PCDHGA5: variants seen among roughly 807,000 people sequenced by gnomAD.
PCDHGA5 encodes the protein protocadherin gamma-A5.
PCDHGA5 carries 36 observed loss-of-function variants against 56.7 expected under a neutral mutation model. That is an observed-to-expected ratio of 0.64 (90% confidence interval 0.49 to 0.84). The LOEUF (loss-of-function observed/expected upper bound fraction) is 0.84. PCDHGA5 is among the 40% of genes least tolerant of loss of function. The probability of loss-of-function intolerance (pLI) is 0.00; values close to 1 mark genes in which losing one functional copy is unlikely to be tolerated. For synonymous variants in PCDHGA5, 563 were observed against 520.2 expected (o/e 1.08, Z -1.12); for missense variants, 1,305 against 1,201.5 (o/e 1.09, Z -1.27).
At chr5:141,424,080 C>T (rs2096798143) in intron 1 of PCDHGA5, 1 of 970,378 alleles carries the variant, frequency 1.0e-6, no homozygotes, top group Admixed American at 6.0e-5. Context: ...AGTTATATTC[C>T]ACCATTATTT....
At chr5:141,400,268 C>T (rs976476082) in intron 1 of PCDHGA5, 3 of 1,613,962 alleles carry the variant, frequency 1.9e-6, no homozygotes, top group East Asian at 4.5e-5. Flanking sequence ...CTGCGACGCT[C>T]CTCCAGCCCT....
intron 1 of PCDHGA5, among the ~76,000 whole-genome samples, chr5:141,381,542 G>T (rs1245817082): frequency 2.0e-5 from 3 of 152,172 alleles, no homozygotes; most frequent in African/African-American, 7.2e-5. Context: ...CTAGGATGAA[G>T]ACTTGAATTG....
intron 1 of PCDHGA5, among the ~76,000 whole-genome samples, chr5:141,380,102 G>C (rs1776217775): frequency 6.6e-6 from 1 of 151,848 alleles, no homozygotes; most frequent in Non-Finnish European, 1.5e-5. Flanking sequence ...GTTTTACCAT[G>C]ATGGCCAGGC....
rs200064261 is a variant in PCDHGA5, at chr5:141,487,515, G to A, written c.2422-7292G>A. 3.7e-5 allele frequency: 59 copies of A among 1,614,018 alleles called. No homozygotes were observed. The highest frequency in any genetic ancestry group is 8.8e-5 in the South Asian group (8 of 91,086). On this transcript the variant is annotated intron_variant, in intron 1 of 3. Coordinates refer to ENST00000518069, the MANE Select transcript of PCDHGA5 (RefSeq NM_018918.3). The surrounding 1 kb of genome is among the most constrained non-coding windows in gnomAD (Gnocchi z 5.0). Reference sequence around the variant, plus strand: ...ACACCCTTGGCTTCTGCACCCACTCGGAGTGATAGCTTCATGATGGTGAAG... The same window carrying A: ...ACACCCTTGGCTTCTGCACCCACTCAGAGTGATAGCTTCATGATGGTGAAG...
chr5:141,367,687 T>G (rs1765289006), intron 1 of PCDHGA5: 1 of 152,072 alleles, frequency 6.6e-6, no homozygotes, highest in African/African-American at 2.4e-5. Flanking sequence ...AGAGAAGAAA[T>G]CAGTGTAAAG....
intron 1 of PCDHGA5, chr5:141,414,010 G>A (rs1308472085): frequency 1.2e-6 from 2 of 1,612,990 alleles, no homozygotes; most frequent in Non-Finnish European, 1.7e-6. Flanking sequence ...AGGTGCCAAT[G>A]GAGAAGTGAC....
In PCDHGA5 at chr5:141,486,563, G is replaced by A. The variant is rs558244990; in HGVS notation, c.2422-8244G>A. The A allele has an allele frequency of 1.2e-6, 2 of 1,614,006 alleles. No homozygotes were observed. The highest frequency in any genetic ancestry group is 1.7e-6 in the Non-Finnish European group (2 of 1,180,036). On this transcript the variant is annotated intron_variant, in intron 1 of 3. Coordinates refer to ENST00000518069, the MANE Select transcript of PCDHGA5 (RefSeq NM_018918.3). The surrounding 1 kb of genome is among the most constrained non-coding windows in gnomAD (Gnocchi z 5.0). ...CTTTCAGAGGTCACATGAGGTGTTTGTTCCTGAGAACAATCGCCCAGGGGA... is the reference window on the plus strand; with the variant it reads ...CTTTCAGAGGTCACATGAGGTGTTTATTCCTGAGAACAATCGCCCAGGGGA...
In PCDHGA5 at chr5:141,482,773, C is replaced by A. The variant is rs2009076; in HGVS notation, c.2422-12034C>A. ...ATTATGGTATTTCATTATCACTGAA[C>A]CTTAAACTGTGTGTGTGGCCGGGTA... On this transcript the variant is annotated intron_variant, in intron 1 of 3. Coordinates refer to ENST00000518069, the MANE Select transcript of PCDHGA5 (RefSeq NM_018918.3). 9.1e-3 allele frequency among the ~76,000 whole-genome samples: 1,158 copies of A among 127,768 alleles called. 29 individuals carry two copies. Among genetic ancestry groups the A allele is most frequent in the Middle Eastern group, 0.013 (3 of 228 alleles). 83.8% of individuals were successfully genotyped at this position (127,768 alleles called of 152,430 possible). A position where few individuals can be genotyped will look rare whatever the true frequency, so the allele number is the denominator to read the frequency against.
chr5:141,481,207 C>T (rs1287298617), intron 1 of PCDHGA5, among the ~76,000 whole-genome samples: 3 of 152,154 alleles, frequency 2.0e-5, no homozygotes, highest in Non-Finnish European at 1.5e-5. Flanking sequence ...TTTTAAAAAA[C>T]ATGGTAAGGT....
chr5:141,490,157 G>A lies in PCDHGA5; in HGVS notation c.2422-4650G>A. 6.2e-7 allele frequency: 1 copy of A among 1,614,210 alleles called. No homozygotes were observed. On this transcript the variant is annotated intron_variant, in intron 1 of 3. Transcript: ENST00000518069. The surrounding 1 kb of genome is among the most constrained non-coding windows in gnomAD (Gnocchi z 5.4). ...AGCAGTGGGGCAATCCATGTGTTGG[G>A]TCCCATAGACTTTGAGGAGTCACGT...
chr5:141,494,546 G>T (rs984336435), intron 1 of PCDHGA5, among the ~76,000 whole-genome samples: 1 of 152,152 alleles, frequency 6.6e-6, no homozygotes, highest in African/African-American at 2.4e-5. Context: ...GGAGGAAGGG[G>T]CCATTTCTTT....
intron 1 of PCDHGA5, chr5:141,382,987 C>G: frequency 6.2e-7 from 1 of 1,613,278 alleles, no homozygotes; most frequent in Non-Finnish European, 8.5e-7. Context: ...CTGGGCAGGA[C>G]GTATTCTCTA....
chr5:141,511,359 T>C lies in PCDHGA5; in HGVS notation c.*186T>C. The stretch of plus-strand genomic sequence containing the variant: ...CACCTACCCCTTCCCCCCCAGGGGG[T>C]TGAATATGCAAAAGCAGTTCCGCTG... On this transcript the variant is annotated 3_prime_UTR_variant, in exon 4 of 4. Coordinates refer to ENST00000518069, the MANE Select transcript of PCDHGA5 (RefSeq NM_018918.3). The C allele has an allele frequency of 2.2e-6, 3 of 1,339,338 alleles. No homozygotes were observed. In the South Asian group the frequency reaches 4.6e-5, roughly 20 times the overall value. The allele number at this position is 1,339,338 out of a possible 1,614,324, so 83.0% of individuals were successfully genotyped here. A position where few individuals can be genotyped will look rare whatever the true frequency, so the allele number is the denominator to read the frequency against.
At chr5:141,467,728 C>A (rs2099150053) in intron 1 of PCDHGA5, among the ~76,000 whole-genome samples, 1 of 152,058 alleles carries the variant, frequency 6.6e-6, no homozygotes, top group Admixed American at 6.5e-5. Context: ...GTGGCACAAT[C>A]CCAGCTCGCT....
chr5:141,432,908 C>G lies in PCDHGA5; in HGVS notation c.2422-61899C>G, dbSNP rs757934634. 6.2e-7 allele frequency: 1 copy of G among 1,614,168 alleles called. No homozygotes were observed. Reference sequence around the variant, plus strand: ...CATCTTGCTGCTGGCGCTCAGGCTGCGGCGCTGGCACAAGTCACGCCTGCT... The same window carrying G: ...CATCTTGCTGCTGGCGCTCAGGCTGGGGCGCTGGCACAAGTCACGCCTGCT... On this transcript the variant is annotated intron_variant, in intron 1 of 3. Transcript: ENST00000518069. This position sits in a 1 kb window ranked among gnomAD's most constrained non-coding sequence, Gnocchi z 6.0.
Position 141,365,732 on chromosome 5 carries a change from G to A in PCDHGA5, c.1402G>A (p.Gly468Ser), listed in dbSNP as rs780327572. The A allele has an allele frequency of 1.2e-6, 2 of 1,613,574 alleles. No individual in the cohort carries two copies. The highest frequency in any genetic ancestry group is 8.5e-7 in the Non-Finnish European group (1 of 1,179,882). Residue 468 changes from glycine (G) to serine (S), a missense_variant, in exon 1 of 4, where the codon GGT (glycine) becomes AGT (serine). By Grantham distance (56) the Gly-to-Ser change is moderately conservative. Coordinates refer to ENST00000518069, the MANE Select transcript of PCDHGA5 (RefSeq NM_018918.3). Reference sequence around the variant, plus strand: ...CTCTGTCACAGAAAACAATCCCAGAGGTGTCTCTATCTTCTCTGTGACAGC... The same window carrying A: ...CTCTGTCACAGAAAACAATCCCAGAAGTGTCTCTATCTTCTCTGTGACAGC... Reference protein sequence around the residue: ...STSVTENNPRGVSIFSVTAHD... With the variant: ...STSVTENNPRSVSIFSVTAHD...
rs1168649993 is a variant in PCDHGA5, at chr5:141,432,243, C to G, written c.2422-62564C>G. On this transcript the variant is annotated intron_variant, in intron 1 of 3. Transcript: ENST00000518069. The surrounding 1 kb of genome is among the most constrained non-coding windows in gnomAD (Gnocchi z 6.0). ...ATCACTTATTCCCTGGCTGAGAACA[C>G]CATCCAAGGGGCAAGCCTATCGTCC... 1 of 1,614,244 alleles carries G rather than the reference C, an allele frequency of 6.2e-7. No individual in the cohort carries two copies. Among genetic ancestry groups the G allele is most frequent in the Non-Finnish European group, 8.5e-7 (1 of 1,180,050 alleles).
intron 1 of PCDHGA5, chr5:141,427,539 A>G: frequency 1.6e-6 from 1 of 632,868 alleles, no homozygotes; most frequent in Non-Finnish European, 2.9e-6. Context: ...GTACAACGTC[A>G]CCATCACTGC....
chr5:141,392,658 C>T, intron 1 of PCDHGA5: 1 of 778,114 alleles, frequency 1.3e-6, no homozygotes, highest in Non-Finnish European at 1.9e-6. Context: ...CCGCAGATGC[C>T]ACAAACTAAC....
Sources: gnomAD v4.1 joint callset for allele counts (sites outside exome capture counted in the v4.1 genomes callset) on GRCh38, gnomAD v4.1.1 for gene constraint, Gnocchi (gnomAD v3.1) non-coding constraint, MANE v1.5 for transcripts, NCBI Gene and HGNC (gene_info 2026-07-23, HGNC 2026-07-21) for gene names.